Variants in IGF1R observed in about 807,000 individuals in gnomAD.
IGF1R encodes insulin like growth factor 1 receptor.
In IGF1R, 44 loss-of-function variants were observed where a neutral mutation model predicts 144.6. That is an observed-to-expected ratio of 0.30 (90% CI 0.24 to 0.39). The LOEUF is 0.39. IGF1R is among the 10% of genes least tolerant of loss of function. The pLI is 1.00. For missense variants in IGF1R, 1,355 were observed against 1,833.7 expected (o/e 0.74, Z 4.77); for synonymous variants, 795 against 722.8 (o/e 1.10, Z -1.60).
intron 7 of IGF1R, 96 bp downstream of exon 7, chr15:98,911,537 G>T (rs1013139780): frequency 1.3e-6 from 2 of 1,540,482 alleles, no homozygotes; most frequent in Non-Finnish European, 1.8e-6. Flanking sequence ...TGAATACAGG[G>T]GGTCAGCAGA....
chr15:98,722,863 G>T (rs1228714753), intron 2 of IGF1R, among the ~76,000 whole-genome samples: 1 of 152,168 alleles, frequency 6.6e-6, no homozygotes, highest in Non-Finnish European at 1.5e-5. Context: ...GCCTGTGTGG[G>T]CAGGAGGATT....
intron 1 of IGF1R, among the ~76,000 whole-genome samples, chr15:98,669,285 C>T (rs1205374717): frequency 2.0e-5 from 3 of 152,140 alleles, no homozygotes; most frequent in African/African-American, 7.2e-5. Flanking sequence ...ACCTCTGCTG[C>T]CTGAAGACAG....
chr15:98,881,195 C>T (rs1233295721), intron 2 of IGF1R, among the ~76,000 whole-genome samples: 2 of 152,214 alleles, frequency 1.3e-5, no homozygotes, highest in African/African-American at 4.8e-5. Context: ...CTAAGTGATA[C>T]ACCTCTTAGT....
chr15:98,724,339 G>T (rs4965428), intron 2 of IGF1R, among the ~76,000 whole-genome samples: 1 of 151,932 alleles, frequency 6.6e-6, no homozygotes, highest in Non-Finnish European at 1.5e-5. Flanking sequence ...GAGGGGAGAG[G>T]TTGTCTCTCT....
At chr15:98,810,472 A>T (rs533062851) in intron 2 of IGF1R, among the ~76,000 whole-genome samples, 74 of 152,212 alleles carry the variant, frequency 4.9e-4, no homozygotes, top group African/African-American at 1.7e-3. Context: ...TGATGTGTGT[A>T]TATGTCTTTC....
At chr15:98,698,762 G>C (rs1259712195) in intron 1 of IGF1R, among the ~76,000 whole-genome samples, 1 of 152,220 alleles carries the variant, frequency 6.6e-6, no homozygotes, top group Non-Finnish European at 1.5e-5. Context: ...CCCCAGATCA[G>C]ATAGAAAGCC....
intron 2 of IGF1R, among the ~76,000 whole-genome samples, chr15:98,781,219 T>G (rs1373439859): frequency 1.3e-5 from 2 of 152,258 alleles, no homozygotes; most frequent in Non-Finnish European, 2.9e-5. Context: ...AATTGATTTA[T>G]AATTTAAAAA....
chr15:98,884,683 CAAAAAAAAAA>C (rs35707888), intron 2 of IGF1R, among the ~76,000 whole-genome samples: 4 of 80,232 alleles, frequency 5.0e-5, no homozygotes, highest in African/African-American at 1.0e-4. Flanking sequence ...CACTCCGTCT[CAAAAAAAAAA>C]AAAAAAAAAA....
rs1317938762 is a variant in IGF1R at position 98,649,475 on chromosome 15, G to A, written c.-107G>A. 25 of 790,444 alleles carry A rather than the reference G, an allele frequency of 3.2e-5. 1 individual carries two copies. Among genetic ancestry groups the A allele is most frequent in the Non-Finnish European group, 4.3e-5 (21 of 488,360 alleles). 49.0% of individuals were successfully genotyped at this position (790,444 alleles called of 1,614,324 possible). ...CCCTTGTTTTTGGAGGGGGAGCGAA[G>A]ACTGAGTTTGAGACTTGTTTCCTTT... On this transcript the variant is annotated 5_prime_UTR_variant, in exon 1 of 21. Transcript: ENST00000650285.
chr15:98,692,314 G>A (rs1396549796), intron 1 of IGF1R, among the ~76,000 whole-genome samples: 1 of 152,150 alleles, frequency 6.6e-6, no homozygotes, highest in Non-Finnish European at 1.5e-5. Flanking sequence ...CTCTAGCCTG[G>A]GTGACAGTGT....
intron 2 of IGF1R, among the ~76,000 whole-genome samples, chr15:98,808,488 G>A (rs931105184): frequency 6.6e-6 from 1 of 152,086 alleles, no homozygotes; most frequent in Non-Finnish European, 1.5e-5. Context: ...GTCACCAGTG[G>A]CATATAGGGG....
intron 1 of IGF1R, among the ~76,000 whole-genome samples, chr15:98,700,550 T>C (rs1187397473): frequency 6.6e-6 from 1 of 152,178 alleles, no homozygotes; most frequent in Non-Finnish European, 1.5e-5. Flanking sequence ...TTTTAACAGT[T>C]CCTTCAAGTG....
intron 2 of IGF1R, among the ~76,000 whole-genome samples, chr15:98,753,310 C>G (rs1359737860): frequency 6.7e-6 from 1 of 149,688 alleles, no homozygotes; most frequent in Non-Finnish European, 1.5e-5. Flanking sequence ...TTGACCTCCT[C>G]TGCTCAAGCA....
chr15:98,914,926 C>T (rs1334450429), intron 8 of IGF1R, among the ~76,000 whole-genome samples: 1 of 152,218 alleles, frequency 6.6e-6, no homozygotes, highest in Non-Finnish European at 1.5e-5. Context: ...TGTGTTTTCT[C>T]TGAAAACGCC....
chr15:98,954,326 G>C (rs935019107), intron 20 of IGF1R: 1 of 152,098 alleles, frequency 6.6e-6, no homozygotes, highest in Non-Finnish European at 1.5e-5. Context: ...AGAAGGGCTG[G>C]GTATGTGTCC....
chr15:98,690,833 TG>T (rs2053459062), intron 1 of IGF1R, among the ~76,000 whole-genome samples: 1 of 152,070 alleles, frequency 6.6e-6, no homozygotes, highest in African/African-American at 2.4e-5. Flanking sequence ...GGCGGCAGGG[TG>T]GGGCGGTGTT....
intron 1 of IGF1R, among the ~76,000 whole-genome samples, chr15:98,651,250 G>T (rs971432174): frequency 5.9e-5 from 9 of 152,170 alleles, no homozygotes; most frequent in Non-Finnish European, 5.9e-5. Context: ...TTAAACGTCT[G>T]GTAAGAAATG....
chr15:98,927,640 A>G (rs1166265333), intron 13 of IGF1R, among the ~76,000 whole-genome samples: 1 of 152,206 alleles, frequency 6.6e-6, no homozygotes, highest in African/African-American at 2.4e-5. Context: ...TTCCGTTGGT[A>G]ATGATCACCT....
intron 2 of IGF1R, among the ~76,000 whole-genome samples, chr15:98,810,514 C>G (rs1567139808): frequency 6.6e-6 from 1 of 151,250 alleles, no homozygotes; most frequent in Non-Finnish European, 1.5e-5. Context: ...GCAAGTAACT[C>G]TCTTGTAAAA....
Sources: allele counts gnomAD v4.1 joint callset (sites outside exome capture counted in the v4.1 genomes callset), GRCh38; gene constraint gnomAD v4.1.1; transcripts MANE v1.5; gene names NCBI Gene and HGNC (gene_info 2026-07-23, HGNC 2026-07-21).